Variants in ARMC2 observed in about 807,000 individuals in gnomAD.
ARMC2 encodes armadillo repeat-containing protein 2.
Under a neutral mutation model 90.3 loss-of-function variants are expected in ARMC2, and 67 were observed. The observed-to-expected ratio is 0.74, with a 90% CI of 0.61 to 0.91. The LOEUF (loss-of-function observed/expected upper bound fraction) is 0.91, where lower values mean the gene tolerates loss of function less well. ARMC2 is among the 40% of genes least tolerant of loss of function. The pLI, the probability that ARMC2 is intolerant of heterozygous loss-of-function variation, is 0.00. For missense variants in ARMC2, 920 were observed against 1,030.9 expected, an observed-to-expected ratio of 0.89 and a Z score of 1.47; for synonymous variants, 393 against 393.0, an observed-to-expected ratio of 1.00 and a Z score of 0.00.
the ARMC2 span, among the ~76,000 whole-genome samples, chr6:108,983,711 T>G: frequency 6.6e-6 from 1 of 152,230 alleles, no homozygotes; most frequent in African/African-American, 2.4e-5. Context: ...CAAGATTGTT[T>G]TGGCTATTCA....
intron 17 of ARMC2, 134 bp from the exon 18 acceptor site, chr6:108,973,222 CT>C (rs1227638010): frequency 1.5e-5 from 9 of 620,226 alleles, no homozygotes; most frequent in Non-Finnish European, 2.2e-5. Flanking sequence ...AAGAACTTCT[CT>C]GAAATCCTGT....
chr6:108,955,318 C>T (rs1390921257), intron 13 of ARMC2, among the ~76,000 whole-genome samples: 1 of 152,232 alleles, frequency 6.6e-6, no homozygotes, highest in Non-Finnish European at 1.5e-5. Context: ...TAGGCATACA[C>T]AGCTAAGGGA....
chr6:108,938,599 C>CTTTTTTTTT (rs4027582), intron 12 of ARMC2, among the ~76,000 whole-genome samples: 198 of 83,110 alleles, frequency 2.4e-3, no homozygotes, highest in Middle Eastern at 0.011. Flanking sequence ...CCATTACTAC[C>CTTTTTTTTT]TTTTTTTTTT....
the ARMC2 span, among the ~76,000 whole-genome samples, chr6:109,037,349 C>T: frequency 1.3e-5 from 2 of 152,026 alleles, no homozygotes; most frequent in Non-Finnish European, 2.9e-5. Context: ...TTTATTTCAC[C>T]TAGGAAACAT....
At chr6:109,017,416 G>C in the ARMC2 span, among the ~76,000 whole-genome samples, 1 of 152,078 alleles carries the variant, frequency 6.6e-6, no homozygotes, top group South Asian at 2.1e-4. Flanking sequence ...CTCCCAAGCA[G>C]CTGGGACTAC....
intron 4 of ARMC2, among the ~76,000 whole-genome samples, chr6:108,870,226 A>AT (rs925057910): frequency 3.3e-5 from 5 of 151,816 alleles, no homozygotes; most frequent in South Asian, 4.2e-4. Flanking sequence ...ACAGACAAGT[A>AT]TTTTTTTTTA....
intron 5 of ARMC2, among the ~76,000 whole-genome samples, chr6:108,887,289 T>A (rs1456775867): frequency 6.6e-6 from 1 of 152,212 alleles, no homozygotes; most frequent in Non-Finnish European, 1.5e-5. Flanking sequence ...ATTGTCCACA[T>A]GATTGACTCA....
At chr6:108,860,434 G>T (rs910705299) in intron 3 of ARMC2, among the ~76,000 whole-genome samples, 1 of 151,948 alleles carries the variant, frequency 6.6e-6, no homozygotes, top group East Asian at 1.9e-4. Flanking sequence ...AGGTTGAGGC[G>T]GGTGGGTCAC....
the ARMC2 span, among the ~76,000 whole-genome samples, chr6:109,017,336 A>C: frequency 6.6e-6 from 1 of 152,136 alleles, no homozygotes; most frequent in Admixed American, 6.5e-5. Flanking sequence ...CCCAGGCTGG[A>C]GCGCAGTGGT....
chr6:108,938,360 C>T (rs1055531552), intron 12 of ARMC2, among the ~76,000 whole-genome samples: 1 of 151,280 alleles, frequency 6.6e-6, no homozygotes, highest in Admixed American at 6.6e-5. Context: ...CAGATTTAAC[C>T]CCAGCTTTAG....
chr6:108,998,793 G>A, the ARMC2 span: 1 of 1,575,150 alleles, frequency 6.3e-7, no homozygotes, highest in Non-Finnish European at 8.6e-7. Context: ...TTTTTGTACT[G>A]GGGTGTGGTA....
intron 5 of ARMC2, among the ~76,000 whole-genome samples, chr6:108,888,079 A>G (rs1277846555): frequency 6.6e-6 from 1 of 152,220 alleles, no homozygotes; most frequent in Non-Finnish European, 1.5e-5. Context: ...TCCTCAAGCC[A>G]TACTACCTTT....
At chr6:108,918,265 A>AT (rs931697463) in intron 10 of ARMC2, among the ~76,000 whole-genome samples, 6 of 151,926 alleles carry the variant, frequency 3.9e-5, no homozygotes, top group African/African-American at 9.7e-5. Flanking sequence ...CAAGAGTGAG[A>AT]TTTTCTCAGC....
At chr6:108,974,801 A>G (rs1000432946), downstream of ARMC2, among the ~76,000 whole-genome samples, 2 of 152,030 alleles carry the variant, frequency 1.3e-5, no homozygotes, top group Admixed American at 6.6e-5. Context: ...CCAGCTGGGC[A>G]TGGTGGCTCA....
intron 2 of ARMC2, chr6:108,856,288 G>C (rs1774597638): frequency 6.6e-6 from 1 of 151,980 alleles, no homozygotes; most frequent in Non-Finnish European, 1.5e-5. Flanking sequence ...GTAGATGCTA[G>C]ATGTCCAGTT....
At chr6:108,981,658 C>CT in the ARMC2 span, among the ~76,000 whole-genome samples, 1,654 of 145,818 alleles carry the variant, frequency 0.011, 32 homozygotes, top group African/African-American at 0.038. Context: ...GATTTCCTTA[C>CT]TTTTTTTTTT....
At chr6:108,922,035 C>G (rs1025771177) in intron 10 of ARMC2, among the ~76,000 whole-genome samples, 1 of 152,198 alleles carries the variant, frequency 6.6e-6, no homozygotes. Flanking sequence ...GCTCTGATGG[C>G]AGGTTGCCTT....
chr6:109,037,506 A>G, the ARMC2 span, among the ~76,000 whole-genome samples: 1 of 152,190 alleles, frequency 6.6e-6, no homozygotes, highest in Admixed American at 6.5e-5. Flanking sequence ...TAATATATTC[A>G]GCATCTAGTC....
the ARMC2 span, chr6:108,998,674 G>T: frequency 6.2e-7 from 1 of 1,613,810 alleles, no homozygotes; most frequent in South Asian, 1.1e-5. Flanking sequence ...AATGAGGCAA[G>T]AGAATGATAG....
Sources: gnomAD v4.1 joint callset for allele counts (sites outside exome capture counted in the v4.1 genomes callset) on GRCh38, gnomAD v4.1.1 for gene constraint, MANE v1.5 for transcripts, NCBI Gene and HGNC (gene_info 2026-07-23, HGNC 2026-07-21) for gene names.